Variants in IL1RAPL2 observed in about 807,000 individuals in gnomAD.
IL1RAPL2 encodes the protein interleukin 1 receptor accessory protein like 2, also known as X-linked interleukin-1 receptor accessory protein-like 2.
IL1RAPL2 carries 3 observed loss-of-function variants against 44.1 expected under a neutral mutation model. The ratio of observed to expected loss-of-function variants is 0.07; its 90% CI spans 0.03 to 0.18. The LOEUF is 0.18. IL1RAPL2 is among the 10% of genes least tolerant of loss of function. The pLI, the probability that IL1RAPL2 is intolerant of heterozygous loss-of-function variation, is 1.00. For synonymous variants in IL1RAPL2, 181 were observed against 178.8 expected (o/e 1.01, Z -0.10); for missense variants, 391 against 496.4 (o/e 0.79, Z 2.02).
intron 9 of IL1RAPL2, among the ~76,000 whole-genome samples, chrX:105,752,153 A>G (rs1455708385): frequency 2.7e-5 from 3 of 111,785 alleles, no homozygotes; most frequent in African/African-American, 9.8e-5. Flanking sequence ...GGCAGGGACT[A>G]TGCATGACGC....
chrX:104,973,438 A>G (rs771736859), intron 2 of IL1RAPL2, among the ~76,000 whole-genome samples: 2 of 111,764 alleles, frequency 1.8e-5, no homozygotes, highest in South Asian at 7.5e-4. Flanking sequence ...CTGCTCCCAC[A>G]GGCCTCTAAA....
intron 2 of IL1RAPL2, among the ~76,000 whole-genome samples, chrX:104,978,886 T>G (rs2030385641): frequency 9.0e-6 from 1 of 111,423 alleles, no homozygotes; most frequent in Admixed American, 9.6e-5. Flanking sequence ...TTGAGGAACA[T>G]GAATAGATGG....
At chrX:105,537,810 C>G (rs1453703547) in intron 6 of IL1RAPL2, among the ~76,000 whole-genome samples, 1 of 110,819 alleles carries the variant, frequency 9.0e-6, no homozygotes, top group East Asian at 2.8e-4. Flanking sequence ...TCATTGTCAT[C>G]TAGAAACTCC....
chrX:104,675,485 C>G (rs1276306501), intron 2 of IL1RAPL2, among the ~76,000 whole-genome samples: 218 of 111,258 alleles, frequency 2.0e-3, no homozygotes, highest in Admixed American at 2.7e-3. Context: ...AATTTCTGTT[C>G]TTTTACATTT....
intron 6 of IL1RAPL2, among the ~76,000 whole-genome samples, chrX:105,547,035 G>A (rs762367686): frequency 8.9e-6 from 1 of 111,895 alleles, no homozygotes; most frequent in East Asian, 2.8e-4. Flanking sequence ...ACAATTCAAA[G>A]CAGTGCATAT....
intron 6 of IL1RAPL2, among the ~76,000 whole-genome samples, chrX:105,648,122 C>T (rs919018022): frequency 9.8e-5 from 11 of 111,862 alleles, no homozygotes; most frequent in African/African-American, 2.9e-4. Context: ...GAACTTGATA[C>T]GTTCATTCAT....
intron 5 of IL1RAPL2, among the ~76,000 whole-genome samples, chrX:105,461,635 T>TA (rs1286338569): frequency 8.9e-6 from 1 of 111,754 alleles, no homozygotes; most frequent in Non-Finnish European, 1.9e-5. Flanking sequence ...ATCTGTATTT[T>TA]AAAAAATCAC....
chrX:105,755,399 T>C, intron 10 of IL1RAPL2, 52 bp downstream of exon 10: 1 of 924,114 alleles, frequency 1.1e-6, no homozygotes, highest in Non-Finnish European at 1.5e-6. Context: ...TTTAGGATGT[T>C]ATGTGAAGGC....
intron 5 of IL1RAPL2, among the ~76,000 whole-genome samples, chrX:105,465,964 G>T (rs2036125636): frequency 9.0e-6 from 1 of 111,328 alleles, no homozygotes; most frequent in African/African-American, 3.3e-5. Context: ...GGCTTGGCGG[G>T]CATACATTAT....
intron 2 of IL1RAPL2, among the ~76,000 whole-genome samples, chrX:104,891,136 C>A (rs918204323): frequency 1.8e-5 from 2 of 111,217 alleles, no homozygotes; most frequent in Non-Finnish European, 3.8e-5. Flanking sequence ...TCTGAGGGCT[C>A]TGTTCTGTTC....
At chrX:104,636,364 CA>C (rs1288728055) in intron 1 of IL1RAPL2, among the ~76,000 whole-genome samples, 1 of 112,257 alleles carries the variant, frequency 8.9e-6, no homozygotes, top group Admixed American at 9.4e-5. Flanking sequence ...CTACTCTCTT[CA>C]AAGCTGCCAG....
intron 6 of IL1RAPL2, among the ~76,000 whole-genome samples, chrX:105,658,757 A>G (rs2037694816): frequency 9.2e-6 from 1 of 108,255 alleles, no homozygotes; most frequent in Non-Finnish European, 1.9e-5. Context: ...GTTCGAGACC[A>G]GCCTGGCCAG....
intron 2 of IL1RAPL2, among the ~76,000 whole-genome samples, chrX:105,051,871 T>C (rs777105692): frequency 1.2e-4 from 13 of 110,927 alleles, no homozygotes; most frequent in Non-Finnish European, 2.3e-4. Context: ...CTGTTGAGGG[T>C]GGAGGATGAG....
At chrX:104,640,849 T>C (rs112508415) in intron 1 of IL1RAPL2, among the ~76,000 whole-genome samples, 423 of 112,539 alleles carry the variant, frequency 3.8e-3, no homozygotes, top group African/African-American at 0.013. Flanking sequence ...GGGACTGAGA[T>C]GACAAATGGG....
chrX:105,646,793 G>A (rs1262923931), intron 6 of IL1RAPL2, among the ~76,000 whole-genome samples: 1 of 111,953 alleles, frequency 8.9e-6, no homozygotes, highest in African/African-American at 3.2e-5. Context: ...GCTAAGTTCT[G>A]AATCTGCCAC....
intron 6 of IL1RAPL2, among the ~76,000 whole-genome samples, chrX:105,544,741 T>C (rs1199837848): frequency 8.9e-6 from 1 of 112,106 alleles, no homozygotes; most frequent in African/African-American, 3.2e-5. Context: ...CTTATTTTAC[T>C]GTTTTTTTAT....
intron 1 of IL1RAPL2, among the ~76,000 whole-genome samples, chrX:104,599,297 A>C (rs1928827184): frequency 9.0e-6 from 1 of 111,570 alleles, no homozygotes; most frequent in African/African-American, 3.3e-5. Context: ...ACCCAGGCTG[A>C]AGTGCAATGG....
rs749853953 is a variant in IL1RAPL2 at position 105,668,340 on chromosome X, G to A, written c.773-49027G>A. ...GTTCAGGTCCTAAGTGGGGAACAAC[G>A]AGCCTTGGCTTTGGAGGGGCAACCC... On this transcript the variant is annotated intron_variant, in intron 6 of 10. Transcript: ENST00000372582. 2.0e-4 allele frequency among the ~76,000 whole-genome samples: 22 copies of A among 112,710 alleles called. No individual in the cohort carries two copies. The East Asian group carries it at 2.2e-3, about 12-fold the overall frequency.
intron 5 of IL1RAPL2, among the ~76,000 whole-genome samples, chrX:105,362,425 T>C (rs1252672580): frequency 2.7e-5 from 3 of 111,429 alleles, no homozygotes; most frequent in Non-Finnish European, 5.7e-5. Context: ...AATTTTAAGA[T>C]ATATTTTACA....
Sources: gnomAD v4.1 joint callset for allele counts (sites outside exome capture counted in the v4.1 genomes callset) on GRCh38, gnomAD v4.1.1 for gene constraint, MANE v1.5 for transcripts, NCBI Gene and HGNC (gene_info 2026-07-23, HGNC 2026-07-21) for gene names.